The following MMS19 variants were observed in gnomAD, a reference collection of about 807,000 sequenced individuals.
MMS19 encodes the protein MMS19 nucleotide excision repair protein homolog.
A neutral mutation model predicts 129.8 loss-of-function variants in MMS19; 77 were observed. That is an observed-to-expected ratio of 0.59 (90% confidence interval 0.49 to 0.72). The LOEUF is 0.72. Ranked by LOEUF, MMS19 falls within the 30% of genes least tolerant of loss-of-function variation. MMS19 has a pLI of 0.00. For missense variants in MMS19, 1,168 were observed against 1,266.3 expected (o/e 0.92, Z 1.18); for synonymous variants, 491 against 502.8 (o/e 0.98, Z 0.31).
Position 97,463,996 on chromosome 10 carries a change from A to T in MMS19, c.1774T>A (p.Ser592Thr). The change falls in exon 19 of 31, where the codon TCC becomes ACC. Residue 592 changes from serine (S) to threonine (T), a missense_variant. Physicochemically the swap from Ser to Thr is moderately conservative, Grantham distance 58. Coordinates refer to ENST00000438925, the MANE Select transcript of MMS19 (RefSeq NM_022362.5). ...QVNRGNMVAQ[S>T]SDVIAVCQSL... Reference sequence around the variant, plus strand: ...TGACAGACAGCAATAACGTCACTGGATTGTGCAACCATATTCCCTGTTGAT... The same window carrying T: ...TGACAGACAGCAATAACGTCACTGGTTTGTGCAACCATATTCCCTGTTGAT... 1 of 1,613,106 alleles carries T rather than the reference A, an allele frequency of 6.2e-7. No individual in the cohort carries two copies. Among genetic ancestry groups the T allele is most frequent in the Non-Finnish European group, 8.5e-7 (1 of 1,179,528 alleles).
At chr10:97,475,550 G>T (rs1042136797) in intron 8 of MMS19, among the ~76,000 whole-genome samples, 2 of 152,164 alleles carry the variant, frequency 1.3e-5, no homozygotes, top group African/African-American at 4.8e-5. Context: ...GCCTGGTCAA[G>T]ATGGTGAAAC....
At chr10:97,463,333 G>C (rs1270605457) in intron 19 of MMS19, among the ~76,000 whole-genome samples, 1 of 152,096 alleles carries the variant, frequency 6.6e-6, no homozygotes, top group Non-Finnish European at 1.5e-5. Flanking sequence ...CACTATGTCT[G>C]ACTATTTGTA....
intron 24 of MMS19, 67 bp from the exon 25 acceptor site, chr10:97,460,818 T>C: frequency 6.5e-7 from 1 of 1,539,790 alleles, no homozygotes; most frequent in South Asian, 1.2e-5. Flanking sequence ...GAGACATAGA[T>C]GTTTATGGTT....
chr10:97,467,040 G>A (rs1482378006), intron 14 of MMS19, 139 bp from the exon 15 acceptor site: 41 of 886,994 alleles, frequency 4.6e-5, no homozygotes, highest in African/African-American at 1.0e-4. Flanking sequence ...GTGCAGTGGC[G>A]TAATCTCGGA....
chr10:97,482,185 G>GA (rs1262742110), intron 2 of MMS19, among the ~76,000 whole-genome samples: 1 of 151,514 alleles, frequency 6.6e-6, no homozygotes, highest in Non-Finnish European at 1.5e-5. Flanking sequence ...CAAAGAAAAA[G>GA]AAAAAAAGAA....
intron 3 of MMS19, chr10:97,480,451 T>C: frequency 2.6e-6 from 1 of 386,042 alleles, no homozygotes; most frequent in Non-Finnish European, 5.0e-6. Flanking sequence ...GTTGTCCTTT[T>C]TCCCCCTCAG....
chr10:97,459,165 G>A (rs2133269589), intron 29 of MMS19, 58 bp downstream of exon 29: 2 of 1,543,546 alleles, frequency 1.3e-6, no homozygotes, highest in Non-Finnish European at 8.8e-7. Flanking sequence ...AGGCAAAAAG[G>A]TACTTATGTG....
At chr10:97,459,952 C>A in intron 26 of MMS19, 94 bp downstream of exon 26, 1 of 1,374,402 alleles carries the variant, frequency 7.3e-7, no homozygotes. Context: ...CAATATAGCT[C>A]TAAAGAAGCA....
At chr10:97,462,494 G>T in intron 20 of MMS19, 89 bp downstream of exon 20, 1 of 902,066 alleles carries the variant, frequency 1.1e-6, no homozygotes, top group Non-Finnish European at 1.8e-6. Context: ...ATAGGTAAAA[G>T]GACAGCTGAC....
intron 1 of MMS19, among the ~76,000 whole-genome samples, chr10:97,497,532 T>C (rs2040020592): frequency 6.6e-6 from 1 of 152,064 alleles, no homozygotes; most frequent in African/African-American, 2.4e-5. Flanking sequence ...GTTTTTTTTT[T>C]TTCCTAGAAG....
At chr10:97,477,644 T>C (rs2035997144) in intron 5 of MMS19, among the ~76,000 whole-genome samples, 1 of 152,232 alleles carries the variant, frequency 6.6e-6, no homozygotes. Flanking sequence ...TCTGTAGGTA[T>C]AAGAGGACAC....
In MMS19 at chr10:97,470,807, C is replaced by T. The variant is rs200842234; in HGVS notation, c.739G>A (p.Ala247Thr). Residue 247 changes from alanine (A) to threonine (T), a missense_variant, in exon 9 of 31, where the codon GCT (alanine) becomes ACT (threonine). This residue lies in a region of MMS19 where 329 missense variants were observed against 328.6 expected (regional missense o/e 1.00). Coordinates refer to ENST00000438925, the MANE Select transcript of MMS19 (RefSeq NM_022362.5). ...AATCGTGGTGTAGAAGCCAGCACAG[C>T]GCGAAGACTCAGGATGAGGTCTTCT... is the stretch of plus-strand genomic sequence containing the variant. ...QREDLILSLR[A>T]VLASTPRFAE... The T allele has an allele frequency of 4.4e-5, 71 of 1,613,756 alleles. No homozygotes were observed. The Middle Eastern group carries it at 6.6e-4, about 15-fold the overall frequency.
chr10:97,464,023 A>G lies in MMS19; in HGVS notation c.1757-10T>C. On this transcript the variant is annotated splice_polypyrimidine_tract_variant and intron_variant, in intron 18 of 30. Transcript: ENST00000438925. Reference sequence around the variant, plus strand: ...TGTGCAACCATATTCCCTGTTGATGAGAAAGTGTTCTCTGTAAGGTTTGCT... The same window carrying G: ...TGTGCAACCATATTCCCTGTTGATGGGAAAGTGTTCTCTGTAAGGTTTGCT... 6.2e-7 allele frequency: 1 copy of G among 1,610,290 alleles called. No individual in the cohort carries two copies. The highest frequency in any genetic ancestry group is 8.5e-7 in the Non-Finnish European group (1 of 1,178,198).
intron 12 of MMS19, 62 bp from the exon 13 acceptor site, chr10:97,468,468 G>C: frequency 6.8e-7 from 1 of 1,469,600 alleles, no homozygotes; most frequent in South Asian, 1.4e-5. Flanking sequence ...CTCCCCTACA[G>C]TCCACAGAGG....
In MMS19 at chr10:97,470,809, C is replaced by G; in HGVS notation, c.737G>C (p.Arg246Pro). Residue 246 changes from arginine to proline, a missense_variant, in exon 9 of 31, where the codon CGC becomes CCC. Arg to Pro is a moderately radical substitution (Grantham distance 103). This residue lies in a region of MMS19 where 329 missense variants were observed against 328.6 expected (regional missense o/e 1.00). Coordinates refer to ENST00000438925, the MANE Select transcript of MMS19 (RefSeq NM_022362.5). ...TCGTGGTGTAGAAGCCAGCACAGCGCGAAGACTCAGGATGAGGTCTTCTCT... is the reference window on the plus strand; with the variant it reads ...TCGTGGTGTAGAAGCCAGCACAGCGGGAAGACTCAGGATGAGGTCTTCTCT... ...IQREDLILSL[R>P]AVLASTPRFA... 1 of 1,613,720 alleles carries G rather than the reference C, an allele frequency of 6.2e-7. No individual in the cohort carries two copies. Among genetic ancestry groups the G allele is most frequent in the Non-Finnish European group, 8.5e-7 (1 of 1,179,742 alleles).
chr10:97,484,641 G>A (rs185953620), intron 1 of MMS19, among the ~76,000 whole-genome samples: 14 of 152,244 alleles, frequency 9.2e-5, no homozygotes, highest in Admixed American at 7.2e-4. Flanking sequence ...TGTTTTGGCC[G>A]GGTGTGGTGG....
chr10:97,462,075 T>A lies in MMS19; in HGVS notation c.2057A>T (p.Asp686Val). Residue 686 changes from aspartate (D) to valine (V), a missense_variant, in exon 21 of 31, where the codon GAT becomes GTT. This residue lies in a region of MMS19 where 831 missense variants were observed against 910.8 expected (regional missense o/e 0.91). Coordinates refer to ENST00000438925, the MANE Select transcript of MMS19 (RefSeq NM_022362.5). ...SVTHIVPLFL[D>V]GNVSFLPENS... ...TTCAGGCAGAAAGGACACGTTGCCATCCAAGAAGAGGGGCACAATGTGTGT... is the reference window on the plus strand; with the variant it reads ...TTCAGGCAGAAAGGACACGTTGCCAACCAAGAAGAGGGGCACAATGTGTGT... 2 of 1,590,442 alleles carry A rather than the reference T, an allele frequency of 1.3e-6. No homozygotes were observed. Among genetic ancestry groups the A allele is most frequent in the Non-Finnish European group, 1.7e-6 (2 of 1,168,146 alleles).
chr10:97,488,746 G>C (rs919430948), intron 1 of MMS19, among the ~76,000 whole-genome samples: 3 of 152,162 alleles, frequency 2.0e-5, no homozygotes, highest in East Asian at 1.9e-4. Context: ...GCAGTTGCTT[G>C]AATCAAGGAT....
In MMS19 at chr10:97,461,817, T is replaced by C; in HGVS notation, c.2184+11A>G. 6.2e-7 allele frequency: 1 copy of C among 1,605,958 alleles called. No individual in the cohort carries two copies. Among genetic ancestry groups the C allele is most frequent in the Non-Finnish European group, 8.5e-7 (1 of 1,176,342 alleles). ...GTTAAATAACAGTACTTCCCAAATG[T>C]GCTCACTTACATTTCGAGGCAGGGA... On this transcript the variant is annotated intron_variant, in intron 22 of 30. Coordinates refer to ENST00000438925, the MANE Select transcript of MMS19 (RefSeq NM_022362.5).
Sources: gnomAD v4.1 joint callset for allele counts (sites outside exome capture counted in the v4.1 genomes callset) on GRCh38, gnomAD v4.1.1 for gene constraint, gnomAD v4.1.1 regional missense constraint, MANE v1.5 for transcripts, NCBI Gene and HGNC (gene_info 2026-07-23, HGNC 2026-07-21) for gene names.